The following HS3ST3A1 variants were observed in gnomAD, a reference collection of about 807,000 sequenced individuals.
The protein encoded by HS3ST3A1 is heparan sulfate-glucosamine 3-sulfotransferase 3A1, also known as heparan sulfate glucosamine 3-O-sulfotransferase 3A1.
Under a neutral mutation model 25.7 loss-of-function variants are expected in HS3ST3A1, and 19 were observed. The ratio of observed to expected loss-of-function variants is 0.74; its 90% CI spans 0.52 to 1.08. The LOEUF is 1.08. HS3ST3A1 is among the 50% of genes least tolerant of loss of function. The probability of loss-of-function intolerance (pLI) is 0.00; values close to 1 mark genes in which losing one functional copy is unlikely to be tolerated. For synonymous variants in HS3ST3A1, 226 were observed against 278.6 expected (o/e 0.81, Z 1.88); for missense variants, 459 against 594.3 (o/e 0.77, Z 2.37).
chr17:13,529,753 G>A (rs1403919767), intron 1 of HS3ST3A1, among the ~76,000 whole-genome samples: 2 of 152,100 alleles, frequency 1.3e-5, no homozygotes, highest in African/African-American at 4.8e-5. Flanking sequence ...TTGACTTTGA[G>A]GAATTCAAAA....
chr17:13,543,915 T>A (rs1442736989), intron 1 of HS3ST3A1, among the ~76,000 whole-genome samples: 1 of 152,154 alleles, frequency 6.6e-6, no homozygotes. Context: ...AACCCTCTCA[T>A]CAAGGGTTAC....
chr17:13,544,959 A>G (rs1412757971), intron 1 of HS3ST3A1, among the ~76,000 whole-genome samples: 2 of 152,218 alleles, frequency 1.3e-5, no homozygotes, highest in Admixed American at 6.5e-5. Context: ...TCCCCCCAGA[A>G]CATCAATTCT....
intron 1 of HS3ST3A1, among the ~76,000 whole-genome samples, chr17:13,549,983 G>A (rs1177160191): frequency 2.6e-5 from 4 of 152,054 alleles, no homozygotes; most frequent in Admixed American, 1.3e-4. Context: ...AGGTTCCATG[G>A]TCATATAGAT....
At chr17:13,588,751 T>TCAGCTCA (rs1046222880) in intron 1 of HS3ST3A1, among the ~76,000 whole-genome samples, 4 of 151,826 alleles carry the variant, frequency 2.6e-5, no homozygotes, top group Non-Finnish European at 4.4e-5. Flanking sequence ...TGGCAGAATC[T>TCAGCTCA]CAGCTCACTA....
chr17:13,524,992 A>T (rs1218647648), intron 1 of HS3ST3A1, among the ~76,000 whole-genome samples: 2 of 152,094 alleles, frequency 1.3e-5, no homozygotes, highest in Non-Finnish European at 2.9e-5. Context: ...AACATGTTTT[A>T]CCTTGAATTT....
chr17:13,511,663 G>C (rs1351314667), intron 1 of HS3ST3A1, among the ~76,000 whole-genome samples: 1 of 151,216 alleles, frequency 6.6e-6, no homozygotes, highest in African/African-American at 2.4e-5. Context: ...TGTAGGTCTA[G>C]ATGAAACAGC....
At chr17:13,533,696 T>C (rs1466855627) in intron 1 of HS3ST3A1, among the ~76,000 whole-genome samples, 1 of 152,010 alleles carries the variant, frequency 6.6e-6, no homozygotes, top group East Asian at 1.9e-4. Flanking sequence ...TTTGATCAAA[T>C]AGGAGAGCAA....
chr17:13,494,640 T>A lies in HS3ST3A1; in HGVS notation c.*1557A>T, dbSNP rs1176033743. The stretch of plus-strand genomic sequence containing the variant: ...GACATTTTTCCTCTTGGGTTTAAAT[T>A]TCTAATAAAATGTTGCTGACAGGCT... On this transcript the variant is annotated 3_prime_UTR_variant, in exon 2 of 2. Transcript: ENST00000284110. 1.3e-5 allele frequency among the ~76,000 whole-genome samples: 2 copies of A among 152,172 alleles called. No individual in the cohort carries two copies. The highest frequency in any genetic ancestry group is 2.4e-5 in the African/African-American group (1 of 41,448).
chr17:13,531,514 G>T (rs781136474), intron 1 of HS3ST3A1, among the ~76,000 whole-genome samples: 10 of 152,018 alleles, frequency 6.6e-5, no homozygotes, highest in Admixed American at 2.0e-4. Flanking sequence ...AACTTGAATG[G>T]GAAAAAATGT....
intron 1 of HS3ST3A1, among the ~76,000 whole-genome samples, chr17:13,497,417 T>G (rs1188455877): frequency 6.6e-6 from 1 of 152,246 alleles, no homozygotes; most frequent in Non-Finnish European, 1.5e-5. Flanking sequence ...TGTTGATTCC[T>G]TTCTACATTG....
chr17:13,523,351 C>T (rs779983035), intron 1 of HS3ST3A1, among the ~76,000 whole-genome samples: 6 of 152,014 alleles, frequency 3.9e-5, no homozygotes, highest in East Asian at 1.9e-4. Context: ...AAACAAATAA[C>T]GTAGTAATGG....
chr17:13,502,916 C>T lies in HS3ST3A1; in HGVS notation c.600-6098G>A, dbSNP rs536050747. Among the ~76,000 whole-genome samples, 208 of 150,384 alleles carry T rather than the reference C, an allele frequency of 1.4e-3. 1 individual carries two copies. The highest frequency in any genetic ancestry group is 4.7e-3 in the African/African-American group (194 of 41,036). The stretch of plus-strand genomic sequence containing the variant: ...AAAAATAGGGCCAGGGGTGGTGGCT[C>T]ACGCCTATAATCCCAGCACTTTGGG... On this transcript the variant is annotated intron_variant, in intron 1 of 1. Transcript: ENST00000284110.
intron 1 of HS3ST3A1, among the ~76,000 whole-genome samples, chr17:13,539,792 T>G (rs762458894): frequency 6.6e-6 from 1 of 152,228 alleles, no homozygotes; most frequent in African/African-American, 2.4e-5. Flanking sequence ...TATTAACACA[T>G]GATTTGTCGT....
intron 1 of HS3ST3A1, among the ~76,000 whole-genome samples, chr17:13,527,071 A>T (rs1906454599): frequency 6.6e-6 from 1 of 152,152 alleles, no homozygotes; most frequent in Non-Finnish European, 1.5e-5. Context: ...CCAGCCCCAA[A>T]CAACCTACCT....
At chr17:13,510,098 G>A (rs952495951) in intron 1 of HS3ST3A1, among the ~76,000 whole-genome samples, 1 of 152,224 alleles carries the variant, frequency 6.6e-6, no homozygotes, top group Admixed American at 6.5e-5. Flanking sequence ...ATCTAGAAGG[G>A]GAGAATGGAA....
At chr17:13,526,947 C>G (rs1187954593) in intron 1 of HS3ST3A1, among the ~76,000 whole-genome samples, 2 of 152,170 alleles carry the variant, frequency 1.3e-5, no homozygotes, top group Admixed American at 6.5e-5. Context: ...GCCACCGCAC[C>G]CGGCCCACAG....
Position 13,600,776 on chromosome 17 carries a change from AG to A in HS3ST3A1, c.353del (p.Pro118LeufsTer43). On this transcript the variant is annotated frameshift_variant, in exon 1 of 2. Coordinates refer to ENST00000284110, the MANE Select transcript of HS3ST3A1 (RefSeq NM_006042.3). LOFTEE classifies it high-confidence loss of function. The part of the protein sequence containing the change: ...GEEAAWEEES[P>X]GLSGGPGGSG... Reference sequence around the variant, plus strand: ...AGCCGCCCGGACCCCCTGACAGGCCAGGGGACTCTTCTTCCCAGGCCGCCTC... The same window carrying A: ...AGCCGCCCGGACCCCCTGACAGGCCAGGGACTCTTCTTCCCAGGCCGCCTC... 1.3e-6 allele frequency: 2 copies of A among 1,481,504 alleles called. No individual in the cohort carries two copies. The highest frequency in any genetic ancestry group is 2.4e-5 in the Admixed American group (1 of 41,794). The allele number at this position is 1,481,504 out of a possible 1,614,324, so 91.8% of individuals were successfully genotyped here. A position where few individuals can be genotyped will look rare whatever the true frequency, so the allele number is the denominator to read the frequency against.
chr17:13,536,219 A>T (rs1181377398), intron 1 of HS3ST3A1, among the ~76,000 whole-genome samples: 1 of 152,190 alleles, frequency 6.6e-6, no homozygotes, highest in Non-Finnish European at 1.5e-5. Context: ...TTTCAAAGAG[A>T]TAAACCTGAC....
intron 1 of HS3ST3A1, among the ~76,000 whole-genome samples, chr17:13,564,842 A>T (rs187873181): frequency 6.6e-6 from 1 of 151,296 alleles, no homozygotes; most frequent in Non-Finnish European, 1.5e-5. Context: ...TTATGCCTCA[A>T]TCTCTCAAGT....
Sources: allele counts gnomAD v4.1 joint callset (sites outside exome capture counted in the v4.1 genomes callset), GRCh38; gene constraint gnomAD v4.1.1; transcripts MANE v1.5; gene names NCBI Gene and HGNC (gene_info 2026-07-23, HGNC 2026-07-21).